ZNF131: variants seen among roughly 807,000 people sequenced by gnomAD.
The protein encoded by ZNF131 is zinc finger protein 131.
Under a neutral mutation model 60.0 loss-of-function variants are expected in ZNF131, and 7 were observed. The observed-to-expected ratio is 0.12, with a 90% CI of 0.07 to 0.22. ZNF131 has a LOEUF of 0.22. ZNF131 is among the 10% of genes least tolerant of loss of function. The pLI, the probability that ZNF131 is intolerant of heterozygous loss-of-function variation, is 1.00. For missense variants in ZNF131, 493 were observed against 740.9 expected (o/e 0.67, Z 3.88); for synonymous variants, 257 against 253.2 (o/e 1.01, Z -0.14).
intron 5 of ZNF131, among the ~76,000 whole-genome samples, chr5:43,166,361 ACT>A (rs200390372): frequency 0.054 from 7,904 of 145,500 alleles, 294 homozygotes; most frequent in South Asian, 0.13. Flanking sequence ...GAGACAAGTG[ACT>A]CTTTTTTTTT....
At chr5:43,155,085 C>T (rs1748792661) in intron 4 of ZNF131, among the ~76,000 whole-genome samples, 2 of 152,148 alleles carry the variant, frequency 1.3e-5, no homozygotes, top group South Asian at 4.1e-4. Flanking sequence ...TGAACACCGT[C>T]AAATTTCAGC....
In ZNF131 at chr5:43,133,963, T is replaced by C. The variant is rs143298905; in HGVS notation, c.227-5202T>C. On this transcript the variant is annotated intron_variant, in intron 3 of 6. Coordinates refer to ENST00000682664, the MANE Select transcript of ZNF131 (RefSeq NM_001330707.2). ...TAATTCAATGAAATGTTAAAAGAAA[T>C]TAATGCCAGTCCTTCTCATAGCCTT... 4.2e-3 allele frequency among the ~76,000 whole-genome samples: 641 copies of C among 152,232 alleles called. 9 individuals carry two copies. Among genetic ancestry groups the C allele is most frequent in the African/African-American group, 0.015 (625 of 41,546 alleles).
At chr5:43,158,451 G>A (rs936122705) in intron 4 of ZNF131, among the ~76,000 whole-genome samples, 2 of 150,548 alleles carry the variant, frequency 1.3e-5, no homozygotes, top group Admixed American at 6.6e-5. Flanking sequence ...CACCATGCCC[G>A]GCTAATTTTT....
intron 3 of ZNF131, among the ~76,000 whole-genome samples, chr5:43,130,971 C>G (rs1745270087): frequency 6.6e-6 from 1 of 152,038 alleles, no homozygotes; most frequent in Non-Finnish European, 1.5e-5. Context: ...TCAGGTGATT[C>G]TCCTGCCTCA....
rs187466485 is a variant in ZNF131 at position 43,176,144 on chromosome 5, T to C, written c.*1011T>C. 1 of 152,386 alleles carries C rather than the reference T, an allele frequency of 6.6e-6. No individual in the cohort carries two copies. The highest frequency in any genetic ancestry group is 1.9e-4 in the East Asian group (1 of 5,196). 9.4% of individuals were successfully genotyped at this position (152,386 alleles called of 1,614,324 possible). ...TAATGTAAAGATCTTGTGCTATAAC[T>C]TTTAAAGCCATACAAATAAGAGTGC... On this transcript the variant is annotated 3_prime_UTR_variant, in exon 7 of 7. Transcript: ENST00000682664.
chr5:43,144,692 G>C (rs972652281), intron 4 of ZNF131, among the ~76,000 whole-genome samples: 4 of 152,034 alleles, frequency 2.6e-5, no homozygotes, highest in Admixed American at 6.6e-5. Context: ...TGTGTTTAAG[G>C]CTATTTGAAA....
intron 5 of ZNF131, among the ~76,000 whole-genome samples, chr5:43,165,352 C>G (rs1242943612): frequency 3.3e-5 from 5 of 151,778 alleles, no homozygotes; most frequent in Admixed American, 6.6e-5. Flanking sequence ...ATGGTTTTAT[C>G]CTCTTTGTGC....
intron 5 of ZNF131, among the ~76,000 whole-genome samples, chr5:43,162,555 G>A (rs1749820928): frequency 7.1e-6 from 1 of 140,870 alleles, no homozygotes; most frequent in Non-Finnish European, 1.5e-5. Context: ...TCATGCCACT[G>A]CACTCCAGCC....
chr5:43,160,855 A>G (rs958978318), intron 4 of ZNF131, among the ~76,000 whole-genome samples: 2 of 151,698 alleles, frequency 1.3e-5, no homozygotes, highest in African/African-American at 4.8e-5. Context: ...CTAATTTTGT[A>G]TTTTTAGTAG....
intron 4 of ZNF131, among the ~76,000 whole-genome samples, chr5:43,158,450 C>T (rs575911739): frequency 3.3e-5 from 5 of 151,962 alleles, no homozygotes; most frequent in South Asian, 2.1e-4. Flanking sequence ...CCACCATGCC[C>T]GGCTAATTTT....
At chr5:43,147,251 A>G (rs1242973669) in intron 4 of ZNF131, among the ~76,000 whole-genome samples, 1 of 151,928 alleles carries the variant, frequency 6.6e-6, no homozygotes, top group Non-Finnish European at 1.5e-5. Flanking sequence ...GATTTTATCT[A>G]TTAAAATAAT....
At chr5:43,149,527 C>T (rs969339018) in intron 4 of ZNF131, among the ~76,000 whole-genome samples, 6 of 152,052 alleles carry the variant, frequency 3.9e-5, no homozygotes, top group Non-Finnish European at 8.8e-5. Flanking sequence ...TTTGGACATA[C>T]GCTTTCATTT....
intron 4 of ZNF131, among the ~76,000 whole-genome samples, chr5:43,149,175 G>T (rs10075491): frequency 6.6e-6 from 1 of 152,214 alleles, no homozygotes; most frequent in East Asian, 1.9e-4. Flanking sequence ...GGAGGCTGAG[G>T]GGGGAGAATC....
intron 3 of ZNF131, among the ~76,000 whole-genome samples, chr5:43,137,255 G>A (rs1561401650): frequency 6.6e-6 from 1 of 152,056 alleles, no homozygotes; most frequent in Non-Finnish European, 1.5e-5. Context: ...GGAAACAACT[G>A]AGTGAAAAGG....
At position 43,175,551 on chromosome 5, in the gene ZNF131, A is replaced by T; in HGVS notation, c.*418A>T. 1.5e-6 allele frequency: 1 copy of T among 672,358 alleles called. No homozygotes were observed. Among genetic ancestry groups the T allele is most frequent in the South Asian group, 1.6e-5 (1 of 62,102 alleles). The allele number at this position is 672,358 out of a possible 1,614,324, so 41.6% of individuals were successfully genotyped here. Reference sequence around the variant, plus strand: ...ATTCTAATGCATGTTAGAAAATTGAATAATATAGGAAACACAAGGCTGCAT... The same window carrying T: ...ATTCTAATGCATGTTAGAAAATTGATTAATATAGGAAACACAAGGCTGCAT... On this transcript the variant is annotated 3_prime_UTR_variant, in exon 7 of 7. Transcript: ENST00000682664.
At chr5:43,147,759 T>A (rs1175881968) in intron 4 of ZNF131, among the ~76,000 whole-genome samples, 1 of 149,762 alleles carries the variant, frequency 6.7e-6, no homozygotes, top group Non-Finnish European at 1.5e-5. Flanking sequence ...AGTTTGGAAG[T>A]TTTTTGGTTT....
intron 4 of ZNF131, among the ~76,000 whole-genome samples, chr5:43,149,255 A>G (rs1429106276): frequency 6.7e-6 from 1 of 148,848 alleles, no homozygotes; most frequent in African/African-American, 2.4e-5. Flanking sequence ...TGGGAGACAG[A>G]GGGAGAAAAA....
At chr5:43,166,762 T>TCTCTGC (rs199935010) in intron 5 of ZNF131, among the ~76,000 whole-genome samples, 2,600 of 151,744 alleles carry the variant, frequency 0.017, 77 homozygotes, top group African/African-American at 0.06. Context: ...TTCAAGCAGT[T>TCTCTGC]CTCTGCCTCA....
chr5:43,136,041 G>C (rs1202154982), intron 3 of ZNF131, among the ~76,000 whole-genome samples: 1 of 152,182 alleles, frequency 6.6e-6, no homozygotes, highest in African/African-American at 2.4e-5. Flanking sequence ...CTTGAACCCG[G>C]GAGGTGGTGG....
Sources: allele counts gnomAD v4.1 joint callset (sites outside exome capture counted in the v4.1 genomes callset), GRCh38; gene constraint gnomAD v4.1.1; transcripts MANE v1.5; gene names NCBI Gene and HGNC (gene_info 2026-07-23, HGNC 2026-07-21).